Variants in ADARB1 observed in about 807,000 individuals in gnomAD.
ADARB1 encodes adenosine deaminase RNA specific B1, also known as double-stranded RNA-specific editase 1.
Under a neutral mutation model 52.4 loss-of-function variants are expected in ADARB1, and 10 were observed. The observed-to-expected ratio is 0.19, with a 90% CI of 0.12 to 0.32. The LOEUF is 0.32. ADARB1 is among the 10% of genes least tolerant of loss of function. The pLI, the probability that ADARB1 is intolerant of heterozygous loss-of-function variation, is 1.00. For missense variants in ADARB1, 643 were observed against 922.3 expected, an observed-to-expected ratio of 0.70 and a Z score of 3.92; for synonymous variants, 349 against 371.1, an observed-to-expected ratio of 0.94 and a Z score of 0.68.
rs2092703234 is a variant in ADARB1, at chr21:45,208,321, G to T, written c.1747+3585G>T. Among the ~76,000 whole-genome samples the T allele has an allele frequency of 6.6e-6, 1 of 152,190 alleles. No homozygotes were observed. Among genetic ancestry groups the T allele is most frequent in the South Asian group, 2.1e-4 (1 of 4,828 alleles). On this transcript the variant is annotated intron_variant, in intron 9 of 10. Coordinates refer to ENST00000348831, the MANE Select transcript of ADARB1 (RefSeq NM_001112.4). This position sits in a 1 kb window ranked among gnomAD's most constrained non-coding sequence, Gnocchi z 5.6. The stretch of plus-strand genomic sequence containing the variant: ...TGCAGACAAGGCTTCCTATCCTGCT[G>T]GTTTTCATGTTGAATGTTGGCACGA...
At chr21:45,137,649 C>A (rs897440654) in intron 2 of ADARB1, among the ~76,000 whole-genome samples, 4 of 152,212 alleles carry the variant, frequency 2.6e-5, no homozygotes, top group African/African-American at 7.2e-5. Flanking sequence ...CTGATTGAGG[C>A]TCTGAGGGTT....
rs1279847313 is a variant in ADARB1 at position 45,157,210 on chromosome 21, A to T, written c.-47-14400A>T. 6.6e-6 allele frequency among the ~76,000 whole-genome samples: 1 copy of T among 152,242 alleles called. No individual in the cohort carries two copies. Among genetic ancestry groups the T allele is most frequent in the Non-Finnish European group, 1.5e-5 (1 of 68,040 alleles). Reference sequence around the variant, plus strand: ...TGCATACACTCTAGGTTAACAGTTGAAATTCTAAAGTAAGCATGTAGAAGT... The same window carrying T: ...TGCATACACTCTAGGTTAACAGTTGTAATTCTAAAGTAAGCATGTAGAAGT... On this transcript the variant is annotated intron_variant, in intron 2 of 10. Coordinates refer to ENST00000348831, the MANE Select transcript of ADARB1 (RefSeq NM_001112.4). The surrounding 1 kb of genome is among the most constrained non-coding windows in gnomAD (Gnocchi z 4.1).
chr21:45,225,567 C>A lies in ADARB1; in HGVS notation c.*3370C>A, dbSNP rs2093047540. 1 of 1,338,118 alleles carries A rather than the reference C, an allele frequency of 7.5e-7. No individual in the cohort carries two copies. 82.9% of individuals were successfully genotyped at this position (1,338,118 alleles called of 1,614,324 possible). A position where few individuals can be genotyped will look rare whatever the true frequency, so the allele number is the denominator to read the frequency against. ...CACAGGTACACTGAGGAGGGGACGG[C>A]TCCGTCTTCACATTGTGCACAGATC... On this transcript the variant is annotated 3_prime_UTR_variant, in exon 11 of 11. Transcript: ENST00000348831.
At chr21:45,134,689 ATTT>A (rs11369444) in intron 2 of ADARB1, 657 of 405,352 alleles carry the variant, frequency 1.6e-3, no homozygotes, top group South Asian at 1.9e-3. Context: ...ACTTGCACAG[ATTT>A]TTTTTTTTTT....
At position 45,204,435 on chromosome 21, in the gene ADARB1, G is replaced by A. The variant is rs940404329; in HGVS notation, c.1566-120G>A. 23 of 947,944 alleles carry A rather than the reference G, an allele frequency of 2.4e-5. No homozygotes were observed. In the African/African-American group the frequency reaches 2.6e-4, roughly 11 times the overall value. 58.7% of individuals were successfully genotyped at this position (947,944 alleles called of 1,614,324 possible). On this transcript the variant is annotated intron_variant, in intron 8 of 10. Transcript: ENST00000348831. The surrounding 1 kb of genome is among the most constrained non-coding windows in gnomAD (Gnocchi z 4.4). ...TGTTAACTTTTTGTTGCACTCCTTC[G>A]TCAGTTGGTTGGGATCCTGCGGAAT...
intron 2 of ADARB1, among the ~76,000 whole-genome samples, chr21:45,138,439 G>C (rs1336961501): frequency 2.0e-5 from 3 of 152,214 alleles, no homozygotes; most frequent in Non-Finnish European, 4.4e-5. Flanking sequence ...TTAGGGCTCT[G>C]GGTGAGTATC....
intron 2 of ADARB1, among the ~76,000 whole-genome samples, chr21:45,170,154 C>T (rs574219777): frequency 6.6e-6 from 1 of 152,246 alleles, no homozygotes; most frequent in African/African-American, 2.4e-5. Flanking sequence ...TTGGTTTTGT[C>T]TACACTCATC....
chr21:45,174,682 AATACATACATACATACATACATAC>A (rs59024130), intron 3 of ADARB1, among the ~76,000 whole-genome samples: 3 of 148,718 alleles, frequency 2.0e-5, no homozygotes, highest in Non-Finnish European at 4.5e-5. Flanking sequence ...CAGTCTCAAA[AATACATACATACATACATACATAC>A]ATACATACAT....
chr21:45,218,806 G>T (rs1475039107), intron 9 of ADARB1, among the ~76,000 whole-genome samples: 2 of 152,252 alleles, frequency 1.3e-5, no homozygotes, highest in African/African-American at 4.8e-5. Flanking sequence ...ATCTGAGAGT[G>T]CAGTGTGCTG....
At chr21:45,215,404 A>G (rs1343468636) in intron 9 of ADARB1, among the ~76,000 whole-genome samples, 3 of 151,768 alleles carry the variant, frequency 2.0e-5, no homozygotes, top group Non-Finnish European at 4.4e-5. Context: ...TTTTCTATTT[A>G]TAGCTTACTC....
Position 45,220,904 on chromosome 21 carries a change from G to A in ADARB1, c.1816G>A (p.Asp606Asn). 2 of 1,613,474 alleles carry A rather than the reference G, an allele frequency of 1.2e-6. No homozygotes were observed. Among genetic ancestry groups the A allele is most frequent in the African/African-American group, 1.3e-5 (1 of 75,062 alleles). The change falls in exon 10 of 11, where the codon GAC becomes AAC. Residue 606 changes from aspartate (D) to asparagine (N), a missense_variant. Coordinates refer to ENST00000348831, the MANE Select transcript of ADARB1 (RefSeq NM_001112.4). This position sits in a 1 kb window ranked among gnomAD's most constrained non-coding sequence, Gnocchi z 6.3. ...PNFSVNWTVGDSAIEVINATT... is the reference protein window; with the variant it reads ...PNFSVNWTVGNSAIEVINATT... The stretch of plus-strand genomic sequence containing the variant: ...CTTCAGTGTCAACTGGACGGTAGGC[G>A]ACTCCGCTATTGAGGTCATCAACGC...
chr21:45,090,442 T>C (rs2123680246), intron 1 of ADARB1, among the ~76,000 whole-genome samples: 1 of 151,942 alleles, frequency 6.6e-6, no homozygotes, highest in South Asian at 2.1e-4. Flanking sequence ...GAAGGAGGAG[T>C]GGGAGTGTAT....
At chr21:45,120,537 G>A (rs866829803) in intron 1 of ADARB1, among the ~76,000 whole-genome samples, 2 of 152,120 alleles carry the variant, frequency 1.3e-5, no homozygotes, top group African/African-American at 2.4e-5. Flanking sequence ...GGAAGCCTGC[G>A]AAGGCCAGAT....
At chr21:45,108,068 A>G (rs2087339566) in intron 1 of ADARB1, among the ~76,000 whole-genome samples, 1 of 152,176 alleles carries the variant, frequency 6.6e-6, no homozygotes, top group Middle Eastern at 3.2e-3. Flanking sequence ...AAAAAAAGTA[A>G]CAACTTTGCC....
chr21:45,107,797 G>A (rs758069824), intron 1 of ADARB1, among the ~76,000 whole-genome samples: 12 of 152,236 alleles, frequency 7.9e-5, no homozygotes, highest in South Asian at 2.1e-4. Context: ...TTTTAAAGGC[G>A]TAACTCAAAA....
chr21:45,092,481 C>G (rs2086598126), intron 1 of ADARB1, among the ~76,000 whole-genome samples: 1 of 152,132 alleles, frequency 6.6e-6, no homozygotes, highest in Admixed American at 6.5e-5. Context: ...TTTACTCTTA[C>G]CTTCAGGTAA....
At chr21:45,111,801 G>C (rs2087549671) in intron 1 of ADARB1, among the ~76,000 whole-genome samples, 1 of 152,110 alleles carries the variant, frequency 6.6e-6, no homozygotes. Flanking sequence ...TTCCAGTTTG[G>C]GGCCATTATA....
chr21:45,122,680 C>T (rs190414717), intron 1 of ADARB1, among the ~76,000 whole-genome samples: 1 of 152,284 alleles, frequency 6.6e-6, no homozygotes, highest in Admixed American at 6.5e-5. Flanking sequence ...TCCCTTTCCC[C>T]ATCCACCCTT....
At chr21:45,107,422 C>T (rs112854529) in intron 1 of ADARB1, among the ~76,000 whole-genome samples, 11 of 151,280 alleles carry the variant, frequency 7.3e-5, no homozygotes, top group African/African-American at 2.2e-4. Context: ...AAAGAAAGAG[C>T]CAAGAAAAGG....
Sources: gnomAD v4.1 joint callset for allele counts (sites outside exome capture counted in the v4.1 genomes callset) on GRCh38, gnomAD v4.1.1 for gene constraint, Gnocchi (gnomAD v3.1) non-coding constraint, MANE v1.5 for transcripts, NCBI Gene and HGNC (gene_info 2026-07-23, HGNC 2026-07-21) for gene names.